The following GKAP1 variants were observed in gnomAD, a reference collection of about 807,000 sequenced individuals.
GKAP1 encodes G kinase anchoring protein 1.
GKAP1 carries 31 observed loss-of-function variants against 56.7 expected under a neutral mutation model. That is an observed-to-expected ratio of 0.55 (90% CI 0.41 to 0.74). The LOEUF (loss-of-function observed/expected upper bound fraction) is 0.74. Among genes scored for constraint, GKAP1 ranks in the 30% least tolerant of loss-of-function variants. GKAP1 has a pLI of 0.00. For missense variants in GKAP1, 364 were observed against 402.3 expected, an observed-to-expected ratio of 0.90 and a Z score of 0.82; for synonymous variants, 151 against 138.6, an observed-to-expected ratio of 1.09 and a Z score of -0.63.
At chr9:83,806,782 G>A (rs1254216229) in intron 2 of GKAP1, among the ~76,000 whole-genome samples, 1 of 152,076 alleles carries the variant, frequency 6.6e-6, no homozygotes. Context: ...CAGATATAAT[G>A]TACTCATTTT....
chr9:83,762,402 AAG>A (rs1943588719), intron 8 of GKAP1, among the ~76,000 whole-genome samples: 1 of 152,180 alleles, frequency 6.6e-6, no homozygotes, highest in African/African-American at 2.4e-5. Flanking sequence ...AAAACTGAAG[AAG>A]AGATGACAAA....
intron 3 of GKAP1, among the ~76,000 whole-genome samples, chr9:83,803,103 C>A (rs1000356698): frequency 6.6e-6 from 1 of 152,054 alleles, no homozygotes; most frequent in African/African-American, 2.4e-5. Context: ...GAGTGAGACC[C>A]CGTCTCAAAA....
At chr9:83,777,660 TAAG>T (rs1379201406) in intron 7 of GKAP1, among the ~76,000 whole-genome samples, 2 of 152,118 alleles carry the variant, frequency 1.3e-5, no homozygotes, top group South Asian at 2.1e-4. Context: ...GGGAGGTAGG[TAAG>T]AAGAATATTA....
rs1395783525 is a variant in GKAP1, at chr9:83,804,484, G to C, written c.216+1818C>G. Among the ~76,000 whole-genome samples, 36 of 127,742 alleles carry C rather than the reference G, an allele frequency of 2.8e-4. 1 individual carries two copies. The East Asian group carries it at 8.3e-3, about 29-fold the overall frequency. 83.8% of individuals were successfully genotyped at this position (127,742 alleles called of 152,430 possible). A position where few individuals can be genotyped will look rare whatever the true frequency, so the allele number is the denominator to read the frequency against. ...GGCCACCCCTACTGGGAAGTGAGGA[G>C]CCCCTCTGCTCGGCCAGCCGCCCCG... is the stretch of plus-strand genomic sequence containing the variant. On this transcript the variant is annotated intron_variant, in intron 3 of 12. Transcript: ENST00000376371.
intron 6 of GKAP1, 78 bp from the exon 7 acceptor site, chr9:83,780,482 ACGAAACTG>A: frequency 5.4e-6 from 4 of 738,840 alleles, no homozygotes; most frequent in East Asian, 3.0e-5. Flanking sequence ...AAAAAAAAAA[ACGAAACTG>A]AAAGAATTTC....
intron 8 of GKAP1, among the ~76,000 whole-genome samples, chr9:83,762,947 G>A (rs1042949826): frequency 1.3e-5 from 2 of 152,120 alleles, no homozygotes; most frequent in South Asian, 4.1e-4. Flanking sequence ...GTATATACCC[G>A]AAAGAAAGGA....
At chr9:83,805,028 G>C (rs972247975) in intron 3 of GKAP1, among the ~76,000 whole-genome samples, 37 of 152,340 alleles carry the variant, frequency 2.4e-4, no homozygotes, top group African/African-American at 7.0e-4. Context: ...GAATAGAAGG[G>C]GGGGAAAGGT....
intron 7 of GKAP1, among the ~76,000 whole-genome samples, chr9:83,777,903 A>G (rs1300556561): frequency 1.3e-5 from 2 of 152,340 alleles, no homozygotes; most frequent in Non-Finnish European, 1.5e-5. Context: ...TTCTAGATCA[A>G]TGGTATAACC....
intron 3 of GKAP1, among the ~76,000 whole-genome samples, chr9:83,800,908 G>A (rs1014746619): frequency 6.6e-6 from 1 of 152,122 alleles, no homozygotes; most frequent in Non-Finnish European, 1.5e-5. Flanking sequence ...AATCTATTCT[G>A]GTTCTGGGGG....
chr9:83,773,475 A>C (rs575733032), intron 7 of GKAP1, among the ~76,000 whole-genome samples: 5 of 152,232 alleles, frequency 3.3e-5, no homozygotes, highest in African/African-American at 1.2e-4. Context: ...TGAATTATAT[A>C]CTTGCAATGG....
chr9:83,755,419 T>G (rs1177260376), intron 8 of GKAP1, among the ~76,000 whole-genome samples: 1 of 152,188 alleles, frequency 6.6e-6, no homozygotes, highest in East Asian at 1.9e-4. Context: ...GAACATGGGT[T>G]TATCAAAGAT....
At chr9:83,790,958 T>C (rs117089283) in intron 4 of GKAP1, among the ~76,000 whole-genome samples, 2,527 of 152,378 alleles carry the variant, frequency 0.017, 31 homozygotes, top group Non-Finnish European at 0.026. Context: ...ATATGTCACA[T>C]AGTCTGATGA....
chr9:83,806,336 T>C lies in GKAP1; in HGVS notation c.182A>G (p.Lys61Arg), dbSNP rs1944439383. The change falls in exon 3 of 13, where the codon AAA (lysine) becomes AGA (arginine). Residue 61 changes from lysine (K) to arginine (R), a missense_variant. Transcript: ENST00000376371. ...TTCACTCTGTTGCTGTTCCTTCTTT[T>C]TTCTTCTTTTCTCTCTTTTTTTCTC... ...TNEKKREKRR[K>R]KKEQQQSEAN... is the part of the protein sequence containing the mutation. 1 of 1,553,112 alleles carries C rather than the reference T, an allele frequency of 6.4e-7. No homozygotes were observed. The highest frequency in any genetic ancestry group is 1.4e-5 in the African/African-American group (1 of 73,128).
At chr9:83,793,301 G>A (rs1330276762) in intron 4 of GKAP1, among the ~76,000 whole-genome samples, 1 of 152,158 alleles carries the variant, frequency 6.6e-6, no homozygotes, top group African/African-American at 2.4e-5. Context: ...AACACTTGCA[G>A]CCAACTGATT....
chr9:83,762,649 A>C (rs1184490339), intron 8 of GKAP1, among the ~76,000 whole-genome samples: 1 of 152,182 alleles, frequency 6.6e-6, no homozygotes, highest in Non-Finnish European at 1.5e-5. Context: ...ACTTCAAATT[A>C]TACTACAGAG....
intron 10 of GKAP1, among the ~76,000 whole-genome samples, chr9:83,744,060 TATG>T (rs1275374692): frequency 6.6e-6 from 1 of 152,224 alleles, no homozygotes; most frequent in African/African-American, 2.4e-5. Context: ...CATAGTTTAA[TATG>T]ATAAGATGAA....
In GKAP1 at chr9:83,741,360, T is replaced by TCACACA. The variant is rs35325635; in HGVS notation, c.1053+586_1053+591dup. Among the ~76,000 whole-genome samples, 429 of 48,648 alleles carry TCACACA rather than the reference T, an allele frequency of 8.8e-3. 5 individuals are homozygous for TCACACA. Among genetic ancestry groups the TCACACA allele is most frequent in the East Asian group, 0.061 (152 of 2,482 alleles). The allele number at this position is 48,648 out of a possible 152,430, so 31.9% of individuals were successfully genotyped here. A position where few individuals can be genotyped will look rare whatever the true frequency, so the allele number is the denominator to read the frequency against. ...ATATACACACACATAAATATATCTC[T>TCACACA]CACACACACACACACACACACACAC... On this transcript the variant is annotated intron_variant, in intron 12 of 12. Coordinates refer to ENST00000376371, the MANE Select transcript of GKAP1 (RefSeq NM_025211.4).
rs989661094 is a variant in GKAP1, at chr9:83,779,529, A to G, written c.585+853T>C. Among the ~76,000 whole-genome samples the G allele has an allele frequency of 1.2e-4, 16 of 130,902 alleles. 1 individual carries two copies. The highest frequency in any genetic ancestry group is 4.2e-4 in the African/African-American group (16 of 38,020). 85.9% of individuals were successfully genotyped at this position (130,902 alleles called of 152,430 possible). A position where few individuals can be genotyped will look rare whatever the true frequency, so the allele number is the denominator to read the frequency against. Reference sequence around the variant, plus strand: ...TATATGTGTATATATATACACGTGTATATGTGTATATATATACACGTGTAT... The same window carrying G: ...TATATGTGTATATATATACACGTGTGTATGTGTATATATATACACGTGTAT... On this transcript the variant is annotated intron_variant, in intron 7 of 12. Transcript: ENST00000376371.
In GKAP1 at chr9:83,806,507, G is replaced by A. The variant is rs991412055; in HGVS notation, c.11C>T (p.Ala4Val). 1 of 1,610,844 alleles carries A rather than the reference G, an allele frequency of 6.2e-7. No homozygotes were observed. The highest frequency in any genetic ancestry group is 1.1e-5 in the South Asian group (1 of 89,770). Residue 4 changes from alanine (A) to valine (V), a missense_variant, in exon 3 of 13, where the codon GCA becomes GTA. Ala to Val is a moderately conservative substitution (Grantham distance 64). Transcript: ENST00000376371. ...GGTGGTGGGAACAGAACTAAGTACT[G>A]CTGAGGCCATCGTAAAGATTTTTCT... is the stretch of plus-strand genomic sequence containing the variant. The part of the protein sequence containing the change: MAS[A>V]VLSSVPTTAS...
Sources: allele counts gnomAD v4.1 joint callset (sites outside exome capture counted in the v4.1 genomes callset), GRCh38; gene constraint gnomAD v4.1.1; transcripts MANE v1.5; gene names NCBI Gene and HGNC (gene_info 2026-07-23, HGNC 2026-07-21).